The following CHAT variants were observed in gnomAD, a reference collection of about 807,000 sequenced individuals.
CHAT encodes acetyl CoA:choline O-acetyltransferase.
CHAT carries 61 observed loss-of-function variants against 76.9 expected under a neutral mutation model. That is an observed-to-expected ratio of 0.79 (90% CI 0.65 to 0.98). The LOEUF (loss-of-function observed/expected upper bound fraction) is 0.98, where lower values mean the gene tolerates loss of function less well. CHAT is among the 50% of genes least tolerant of loss of function. The pLI is 0.00. For synonymous variants in CHAT, 407 were observed against 397.4 expected (o/e 1.02, Z -0.29); for missense variants, 946 against 986.9 (o/e 0.96, Z 0.56).
chr10:49,629,601 G>T (rs1839044317), intron 7 of CHAT, among the ~76,000 whole-genome samples: 3 of 152,218 alleles, frequency 2.0e-5, no homozygotes, highest in Admixed American at 2.0e-4. Context: ...GCCCTTCAGG[G>T]CTGGCTGGAT....
intron 10 of CHAT, among the ~76,000 whole-genome samples, chr10:49,651,322 G>A (rs1839869360): frequency 6.6e-6 from 1 of 151,816 alleles, no homozygotes; most frequent in African/African-American, 2.4e-5. Flanking sequence ...CAGGCAGGGA[G>A]CATGGAGTCC....
chr10:49,624,722 TGGATGGAC>T (rs1248358282), intron 5 of CHAT, among the ~76,000 whole-genome samples: 5,280 of 50,204 alleles, frequency 0.11, 281 homozygotes, highest in African/African-American at 0.18. Context: ...GAAGGAAGGA[TGGATGGAC>T]GGATGGATGG....
chr10:49,609,912 A>G (rs534140673), upstream of CHAT, among the ~76,000 whole-genome samples: 16 of 151,950 alleles, frequency 1.1e-4, no homozygotes, highest in South Asian at 2.9e-3. Flanking sequence ...CGGAGATCGC[A>G]AGCCTCTGGC....
chr10:49,630,267 G>A (rs1839070988), intron 7 of CHAT, among the ~76,000 whole-genome samples: 1 of 152,202 alleles, frequency 6.6e-6, no homozygotes, highest in Non-Finnish European at 1.5e-5. Flanking sequence ...AGGTCAGGTA[G>A]AGAAGGATGC....
intron 6 of CHAT, 127 bp from the exon 7 acceptor site, chr10:49,627,481 A>C: frequency 2.1e-6 from 2 of 968,666 alleles, no homozygotes; most frequent in East Asian, 4.8e-5. Flanking sequence ...TGAGACTAGA[A>C]CCACCAAACA....
At position 49,619,527 on chromosome 10, in the gene CHAT, C is replaced by T. The variant is rs541574858; in HGVS notation, c.388-198C>T. 2.6e-5 allele frequency among the ~76,000 whole-genome samples: 4 copies of T among 152,236 alleles called. No homozygotes were observed. In the East Asian group the frequency reaches 5.8e-4, roughly 22 times the overall value. ...TCTGCACTTTATCCCTTTCTGGGGA[C>T]AGAGCACAATGAGGTCAGGGACGCC... is the stretch of plus-strand genomic sequence containing the variant. On this transcript the variant is annotated intron_variant, in intron 2 of 14. Coordinates refer to ENST00000337653, the MANE Select transcript of CHAT (RefSeq NM_020549.5).
At chr10:49,659,759 G>T (rs557546274) in intron 13 of CHAT, among the ~76,000 whole-genome samples, 1 of 152,234 alleles carries the variant, frequency 6.6e-6, no homozygotes, top group Admixed American at 6.5e-5. Flanking sequence ...CTACTAAGGA[G>T]GCTGAGGCAG....
At position 49,646,500 on chromosome 10, in the gene CHAT, T is replaced by C. The variant is rs1161862219; in HGVS notation, c.1112-5T>C. The C allele has an allele frequency of 6.2e-7, 1 of 1,614,062 alleles. No homozygotes were observed. Among genetic ancestry groups the C allele is most frequent in the East Asian group, 2.2e-5 (1 of 44,894 alleles). ...GTGCTAGGGCTGTGCCTGCCTCCCC[T>C]GCAGACTCCACCAACCGGGACTCGC... On this transcript the variant is annotated splice_region_variant and splice_polypyrimidine_tract_variant and intron_variant, in intron 7 of 14. Transcript: ENST00000337653.
chr10:49,642,860 C>T (rs1265373492), intron 7 of CHAT, among the ~76,000 whole-genome samples: 1 of 152,258 alleles, frequency 6.6e-6, no homozygotes, highest in Non-Finnish European at 1.5e-5. Context: ...AGGCCCATGC[C>T]TTTCCCAAGC....
chr10:49,630,776 T>C (rs1461436367), intron 7 of CHAT, among the ~76,000 whole-genome samples: 1 of 151,932 alleles, frequency 6.6e-6, no homozygotes, highest in East Asian at 1.9e-4. Flanking sequence ...AGGCCTTTGG[T>C]TGGTACAGGG....
chr10:49,656,002 T>C lies in CHAT; in HGVS notation c.1839+554T>C, dbSNP rs867832600. Among the ~76,000 whole-genome samples the C allele has an allele frequency of 3.5e-4, 53 of 152,356 alleles. 1 individual carries two copies. The highest frequency in any genetic ancestry group is 3.4e-3 in the Middle Eastern group (1 of 294). On this transcript the variant is annotated intron_variant, in intron 13 of 14. Transcript: ENST00000337653. ...TTTCTGGCACTGCAAAGCTATTGTTTGCAATAGCAAAATAGAGAATAAGCA... is the reference window on the plus strand; with the variant it reads ...TTTCTGGCACTGCAAAGCTATTGTTCGCAATAGCAAAATAGAGAATAAGCA...
rs369379461 is a variant in CHAT, at chr10:49,663,414, G to A, written c.1977+632G>A. Among the ~76,000 whole-genome samples, 6 of 152,170 alleles carry A rather than the reference G, an allele frequency of 3.9e-5. No homozygotes were observed. In the East Asian group the frequency reaches 5.8e-4, roughly 15 times the overall value. ...GGCTCTGATGCCCAGCAGGTCTGCA[G>A]TGAAGTCTTGGCTTGGCCAGATACA... On this transcript the variant is annotated intron_variant, in intron 14 of 14. Coordinates refer to ENST00000337653, the MANE Select transcript of CHAT (RefSeq NM_020549.5).
intron 1 of CHAT, chr10:49,615,969 C>A: frequency 6.8e-7 from 1 of 1,464,560 alleles, no homozygotes; most frequent in Non-Finnish European, 9.6e-7. Context: ...GAGCACAGGG[C>A]CTTAAAGGCC....
In CHAT at chr10:49,649,595, A is replaced by C. The variant is rs773420869; in HGVS notation, c.1470A>C (p.Glu490Asp). 2.5e-6 allele frequency: 4 copies of C among 1,613,874 alleles called. No individual in the cohort carries two copies. The highest frequency in any genetic ancestry group is 3.4e-6 in the Non-Finnish European group (4 of 1,180,040). Residue 490 changes from glutamate (E) to aspartate (D), a missense_variant, in exon 10 of 15, where the codon GAA becomes GAC. Glu to Asp is a conservative substitution (Grantham distance 45, BLOSUM62 2). Transcript: ENST00000337653. ...PRRLRWKCSP[E>D]IQGHLASSAE... ...GGCTGCGGTGGAAATGCTCCCCGGA[A>C]ATTCAAGGCCACTTAGCCTCCTCGG... is the stretch of plus-strand genomic sequence containing the variant.
upstream of CHAT, chr10:49,611,337 G>A (rs1398634963): frequency 1.2e-6 from 2 of 1,602,820 alleles, no homozygotes; most frequent in Admixed American, 1.7e-5. Flanking sequence ...GCATAGCCAT[G>A]ATCGCCGATA....
intron 7 of CHAT, among the ~76,000 whole-genome samples, chr10:49,644,756 C>T (rs1448930097): frequency 5.3e-5 from 8 of 152,194 alleles, no homozygotes; most frequent in Admixed American, 1.3e-4. Context: ...TCCTTTCAGG[C>T]AAGGGCATCT....
At chr10:49,658,053 A>G (rs1840084967) in intron 13 of CHAT, among the ~76,000 whole-genome samples, 1 of 152,232 alleles carries the variant, frequency 6.6e-6, no homozygotes, top group Admixed American at 6.5e-5. Flanking sequence ...CAACACCAAC[A>G]AACATTTTTG....
chr10:49,665,195 G>A lies in CHAT; in HGVS notation c.*149G>A, dbSNP rs542644474. The A allele has an allele frequency of 9.1e-5, 78 of 853,138 alleles. No individual in the cohort carries two copies. Among genetic ancestry groups the A allele is most frequent in the African/African-American group, 8.5e-4 (51 of 60,140 alleles). The allele number at this position is 853,138 out of a possible 1,614,324, so 52.8% of individuals were successfully genotyped here. On this transcript the variant is annotated 3_prime_UTR_variant, in exon 15 of 15. Transcript: ENST00000337653. ...CCATACAGAGACATCACACAGAGCC[G>A]GAGTGTTAGGAGGAAAGGGTCCCCT...
intron 7 of CHAT, among the ~76,000 whole-genome samples, chr10:49,638,847 A>AT (rs1163253026): frequency 1.3e-5 from 2 of 152,192 alleles, no homozygotes; most frequent in Non-Finnish European, 2.9e-5. Context: ...ATGAAAATGA[A>AT]TTTATTTACT....
Sources: gnomAD v4.1 joint callset for allele counts (sites outside exome capture counted in the v4.1 genomes callset) on GRCh38, gnomAD v4.1.1 for gene constraint, MANE v1.5 for transcripts, NCBI Gene and HGNC (gene_info 2026-07-23, HGNC 2026-07-21) for gene names.